Variants in CCDC63 observed in about 807,000 individuals in gnomAD.
CCDC63 encodes the protein coiled-coil domain containing 63.
CCDC63 carries 54 observed loss-of-function variants against 63.6 expected under a neutral mutation model. That is an observed-to-expected ratio of 0.85 (90% CI 0.68 to 1.07). CCDC63 has a LOEUF of 1.07. CCDC63 is among the 50% of genes least tolerant of loss of function. The pLI is 0.00. For missense variants in CCDC63, 637 were observed against 689.6 expected (o/e 0.92, Z 0.86); for synonymous variants, 253 against 266.1 (o/e 0.95, Z 0.48).
At chr12:110,869,113 A>C (rs1300165406) in intron 4 of CCDC63, among the ~76,000 whole-genome samples, 2 of 152,210 alleles carry the variant, frequency 1.3e-5, no homozygotes, top group Non-Finnish European at 2.9e-5. Flanking sequence ...GGAATCCCAG[A>C]TGCAACTGCT....
At chr12:110,868,766 G>GAAGGGGGAGGGGGAGGGAGAGGGA (rs2071021515) in intron 4 of CCDC63, among the ~76,000 whole-genome samples, 1 of 73,690 alleles carries the variant, frequency 1.4e-5, no homozygotes, top group African/African-American at 6.2e-5. Context: ...AGGGGGAGGG[G>GAAGGGGGAGGGGGAGGGAGAGGGA]GAGGGAGAGG....
chr12:110,874,021 A>G, intron 5 of CCDC63, 60 bp downstream of exon 5: 1 of 1,560,292 alleles, frequency 6.4e-7, no homozygotes, highest in Non-Finnish European at 8.7e-7. Flanking sequence ...CTCAGAACAA[A>G]AATGATGTCT....
At chr12:110,866,951 A>AC (rs1266444650) in intron 4 of CCDC63, among the ~76,000 whole-genome samples, 4 of 99,182 alleles carry the variant, frequency 4.0e-5, no homozygotes, top group Admixed American at 1.1e-4. Context: ...CGGGGGGCTG[A>AC]CCCCCCCACC....
At chr12:110,892,289 G>A (rs973182903) in intron 8 of CCDC63, among the ~76,000 whole-genome samples, 1 of 152,030 alleles carries the variant, frequency 6.6e-6, no homozygotes, top group Non-Finnish European at 1.5e-5. Flanking sequence ...CAGAGGTTGG[G>A]CACAGTGGCT....
intron 10 of CCDC63, among the ~76,000 whole-genome samples, chr12:110,901,860 T>C (rs2136747247): frequency 6.6e-6 from 1 of 152,222 alleles, no homozygotes; most frequent in East Asian, 1.9e-4. Flanking sequence ...GATGGAATTT[T>C]GCTCTCATCA....
At chr12:110,852,803 C>G in intron 1 of CCDC63, 56 bp from the exon 2 acceptor site, 1 of 1,167,992 alleles carries the variant, frequency 8.6e-7, no homozygotes, top group Non-Finnish European at 1.3e-6. Context: ...CCGTTCTGAC[C>G]TGCACCCCCA....
At chr12:110,893,993 A>G (rs1194527959) in intron 9 of CCDC63, among the ~76,000 whole-genome samples, 1 of 125,440 alleles carries the variant, frequency 8.0e-6, no homozygotes, top group Non-Finnish European at 1.8e-5. Flanking sequence ...CCTGTCTCAA[A>G]AAAAAAAAAA....
intron 4 of CCDC63, among the ~76,000 whole-genome samples, chr12:110,866,086 T>C (rs996010522): frequency 6.6e-6 from 1 of 152,186 alleles, no homozygotes; most frequent in Non-Finnish European, 1.5e-5. Context: ...CAAGCAATTC[T>C]CATGCCTCAG....
chr12:110,881,333 C>G (rs770127816), intron 7 of CCDC63, 37 bp downstream of exon 7: 3 of 1,580,976 alleles, frequency 1.9e-6, no homozygotes, highest in Admixed American at 1.9e-5. Flanking sequence ...CTCTCTCACT[C>G]TCTTTCTTGC....
At chr12:110,855,113 T>G (rs1261382719) in intron 3 of CCDC63, among the ~76,000 whole-genome samples, 1 of 152,224 alleles carries the variant, frequency 6.6e-6, no homozygotes. Context: ...CTTTAGATTT[T>G]CCATGGATTC....
chr12:110,880,857 G>GTAA (rs1368384813), intron 6 of CCDC63, among the ~76,000 whole-genome samples: 1 of 124,182 alleles, frequency 8.1e-6, no homozygotes, highest in Non-Finnish European at 1.7e-5. Flanking sequence ...AGTGGTAATG[G>GTAA]TGGTGGTGGT....
At chr12:110,899,690 CT>C (rs60708943) in intron 10 of CCDC63, among the ~76,000 whole-genome samples, 9,896 of 138,030 alleles carry the variant, frequency 0.072, 410 homozygotes, top group East Asian at 0.22. Flanking sequence ...TTAATGCCTT[CT>C]TTTTTTTTTT....
chr12:110,895,872 G>T (rs564220653), intron 9 of CCDC63, among the ~76,000 whole-genome samples: 55 of 152,308 alleles, frequency 3.6e-4, no homozygotes, highest in African/African-American at 1.2e-3. Flanking sequence ...AATTGCCAAA[G>T]TGAAGAGTTG....
At chr12:110,898,890 T>C (rs1201045408) in intron 9 of CCDC63, 43 bp from the exon 10 acceptor site, 2 of 1,489,698 alleles carry the variant, frequency 1.3e-6, no homozygotes, top group Admixed American at 2.1e-5. Context: ...CCCTGCCCAC[T>C]GAAAGTCCTC....
At chr12:110,860,077 A>G (rs1021824048) in intron 4 of CCDC63, among the ~76,000 whole-genome samples, 1 of 152,228 alleles carries the variant, frequency 6.6e-6, no homozygotes, top group African/African-American at 2.4e-5. Flanking sequence ...TTAATGCAGG[A>G]ACCATTTACA....
Position 110,858,605 on chromosome 12 carries a change from A to T in CCDC63, c.199A>T (p.Lys67Ter). ...CAACAGCAAGGAGATCAAGACCCTG[A>T]AGACAGAGCAGGATGAGATCACCCT... ...ASQYKEIKTL[K>*]TEQDEITLLL... Residue 67 changes from lysine to a stop codon, truncating the protein, a stop_gained, in exon 4 of 12, where the codon AAG (lysine) becomes TAG (stop). Coordinates refer to ENST00000308208, the MANE Select transcript of CCDC63 (RefSeq NM_152591.3). LOFTEE classifies it high-confidence loss of function. The T allele has an allele frequency of 1.2e-6, 2 of 1,612,954 alleles. No individual in the cohort carries two copies. The highest frequency in any genetic ancestry group is 8.5e-7 in the Non-Finnish European group (1 of 1,179,504).
At chr12:110,901,158 G>A (rs2071481458) in intron 10 of CCDC63, among the ~76,000 whole-genome samples, 1 of 152,094 alleles carries the variant, frequency 6.6e-6, no homozygotes, top group Admixed American at 6.6e-5. Flanking sequence ...AAATTTTGTG[G>A]GTACATGGTG....
intron 8 of CCDC63, 76 bp from the exon 9 acceptor site, chr12:110,893,000 G>A: frequency 8.7e-7 from 1 of 1,147,310 alleles, no homozygotes; most frequent in Non-Finnish European, 1.3e-6. Context: ...GACTCTTTGA[G>A]GCGCACACTT....
intron 5 of CCDC63, among the ~76,000 whole-genome samples, chr12:110,878,142 T>G (rs2071155259): frequency 6.6e-6 from 1 of 152,226 alleles, no homozygotes; most frequent in Non-Finnish European, 1.5e-5. Flanking sequence ...TCTCCTTTTT[T>G]AAGGCTCAGT....
Sources: allele counts gnomAD v4.1 joint callset (sites outside exome capture counted in the v4.1 genomes callset), GRCh38; gene constraint gnomAD v4.1.1; transcripts MANE v1.5; gene names NCBI Gene and HGNC (gene_info 2026-07-23, HGNC 2026-07-21).